The following SPATA9 variants were observed in gnomAD, a reference collection of about 807,000 sequenced individuals.
SPATA9 encodes the protein spermatogenesis-associated protein 9.
A neutral mutation model predicts 25.5 loss-of-function variants in SPATA9; 27 were observed. The observed-to-expected ratio is 1.06, with a 90% confidence interval of 0.78 to 1.46. SPATA9 has a LOEUF of 1.46. Ranked by LOEUF, SPATA9 falls within the 40% of genes most tolerant of loss-of-function variation. SPATA9 has a pLI of 0.00. For synonymous variants in SPATA9, 102 were observed against 105.7 expected, an observed-to-expected ratio of 0.97 and a Z score of 0.21; for missense variants, 282 against 297.5, an observed-to-expected ratio of 0.95 and a Z score of 0.38.
rs745827651 is a variant in SPATA9 at position 95,658,581 on chromosome 5, T to C, written c.*42A>G. The C allele has an allele frequency of 1.9e-5, 29 of 1,557,750 alleles. No individual in the cohort carries two copies. In the South Asian group the frequency reaches 3.6e-4, roughly 19 times the overall value. ...GAGTTTTGTCAGATGAAATGTGCCA[T>C]TAAATAGATAACTCTTAAGTTCTGT... On this transcript the variant is annotated 3_prime_UTR_variant, in exon 5 of 5. Transcript: ENST00000274432.
At chr5:95,698,169 A>T (rs987001088) in intron 1 of SPATA9, among the ~76,000 whole-genome samples, 5 of 152,208 alleles carry the variant, frequency 3.3e-5, no homozygotes, top group Admixed American at 6.5e-5. Flanking sequence ...GAAGGAATAA[A>T]TAAGGCATTG....
chr5:95,723,331 G>A, the SPATA9 span, among the ~76,000 whole-genome samples: 2 of 152,230 alleles, frequency 1.3e-5, no homozygotes, highest in Non-Finnish European at 2.9e-5. Flanking sequence ...TTCTCACTTG[G>A]ACTTCTGCAA....
At chr5:95,663,910 TAAG>T (rs749219613) in intron 4 of SPATA9, 40 bp downstream of exon 4, 10 of 1,143,682 alleles carry the variant, frequency 8.7e-6, no homozygotes, top group Non-Finnish European at 1.2e-5. Context: ...TTACACAAAA[TAAG>T]TAGATTTATT....
the SPATA9 span, chr5:95,730,797 T>G: frequency 4.6e-6 from 2 of 434,982 alleles, no homozygotes; most frequent in Non-Finnish European, 9.3e-6. Context: ...CAAAGAACTC[T>G]TTCTGCAGCA....
chr5:95,683,358 C>T (rs536619522), upstream of SPATA9, among the ~76,000 whole-genome samples: 4 of 152,236 alleles, frequency 2.6e-5, no homozygotes, highest in African/African-American at 4.8e-5. Context: ...AGGTCAAACT[C>T]GGGCAAAACT....
intron 3 of SPATA9, chr5:95,670,347 A>T (rs1321697750): frequency 6.6e-6 from 1 of 152,212 alleles, no homozygotes; most frequent in Non-Finnish European, 1.5e-5. Context: ...TTTCCAAAGG[A>T]AGTCACCTGC....
At chr5:95,729,391 A>G in the SPATA9 span, among the ~76,000 whole-genome samples, 3 of 152,146 alleles carry the variant, frequency 2.0e-5, no homozygotes, top group African/African-American at 7.2e-5. Context: ...GAAAAAATGA[A>G]TACTTTCTCC....
At chr5:95,667,502 C>G (rs1164912511) in intron 3 of SPATA9, among the ~76,000 whole-genome samples, 1 of 152,166 alleles carries the variant, frequency 6.6e-6, no homozygotes, top group Non-Finnish European at 1.5e-5. Context: ...AATGAAGCAG[C>G]TGCTGCTTTT....
chr5:95,709,267 G>A, the SPATA9 span, among the ~76,000 whole-genome samples: 3 of 152,194 alleles, frequency 2.0e-5, no homozygotes, highest in African/African-American at 7.2e-5. Flanking sequence ...TGTAGGCACT[G>A]CAATAAATTA....
At chr5:95,656,307 T>G (rs1750760116), downstream of SPATA9, 1 of 1,597,018 alleles carries the variant, frequency 6.3e-7, no homozygotes, top group South Asian at 1.1e-5. Flanking sequence ...GAGTTCTTCC[T>G]GATAAAAAAT....
exon 9 of SPATA9, chr5:95,653,146 A>G (rs1750462275): frequency 6.4e-7 from 1 of 1,551,636 alleles, no homozygotes. Context: ...AGCTGTTGGC[A>G]TGTCTAGTTC....
chr5:95,712,799 G>A, the SPATA9 span, among the ~76,000 whole-genome samples: 1 of 152,184 alleles, frequency 6.6e-6, no homozygotes, highest in African/African-American at 2.4e-5. Flanking sequence ...AAATGAAATG[G>A]CTGTTTTAAG....
intron 2 of SPATA9, among the ~76,000 whole-genome samples, chr5:95,679,715 G>A (rs903317416): frequency 6.6e-6 from 1 of 152,158 alleles, no homozygotes; most frequent in Non-Finnish European, 1.5e-5. Flanking sequence ...CTGATACTGG[G>A]AATGTCCACT....
At chr5:95,686,282 CGTTT>C (rs1226356072), upstream of SPATA9, among the ~76,000 whole-genome samples, 29 of 152,038 alleles carry the variant, frequency 1.9e-4, no homozygotes, top group Admixed American at 1.2e-3. Context: ...CTGTTCATTA[CGTTT>C]GTAAGATGTG....
At chr5:95,673,370 GTGTGTT>G (rs1273900283) in intron 3 of SPATA9, among the ~76,000 whole-genome samples, 1 of 116,660 alleles carries the variant, frequency 8.6e-6, no homozygotes, top group African/African-American at 3.6e-5. Context: ...CTCGTTGTGT[GTGTGTT>G]TGTGTGTGTG....
At chr5:95,691,146 G>A (rs543943603) in intron 1 of SPATA9, among the ~76,000 whole-genome samples, 1 of 151,882 alleles carries the variant, frequency 6.6e-6, no homozygotes, top group Non-Finnish European at 1.5e-5. Flanking sequence ...AACCCGGGAG[G>A]GGGAGCTTGC....
chr5:95,659,189 CTTTA>C (rs1479326810), intron 4 of SPATA9: 1 of 301,908 alleles, frequency 3.3e-6, no homozygotes, highest in Non-Finnish European at 6.1e-6. Flanking sequence ...TGTTTTACAT[CTTTA>C]TTCTCTTGAT....
chr5:95,655,793 C>T (rs921325029), downstream of SPATA9, among the ~76,000 whole-genome samples: 4 of 152,182 alleles, frequency 2.6e-5, no homozygotes, highest in Admixed American at 6.5e-5. Context: ...AGCACAGCTG[C>T]AGTCACATGG....
the SPATA9 span, among the ~76,000 whole-genome samples, chr5:95,705,542 T>A: frequency 2.6e-5 from 4 of 152,320 alleles, no homozygotes; most frequent in African/African-American, 9.6e-5. Flanking sequence ...TTAAAATTTT[T>A]CTTTAAAAAT....
Sources: allele counts gnomAD v4.1 joint callset (sites outside exome capture counted in the v4.1 genomes callset), GRCh38; gene constraint gnomAD v4.1.1; transcripts MANE v1.5; gene names NCBI Gene and HGNC (gene_info 2026-07-23, HGNC 2026-07-21).